Variants in UNC5D observed in about 807,000 individuals in gnomAD.
UNC5D encodes the protein unc-5 netrin receptor D.
In UNC5D, 39 loss-of-function variants were observed where a neutral mutation model predicts 105.4. The ratio of observed to expected loss-of-function variants is 0.37; its 90% CI spans 0.29 to 0.48. The LOEUF (loss-of-function observed/expected upper bound fraction) is 0.48. Among genes scored for constraint, UNC5D ranks in the 20% least tolerant of loss-of-function variants. The probability of loss-of-function intolerance (pLI) is 0.98; values close to 1 mark genes in which losing one functional copy is unlikely to be tolerated. For missense variants in UNC5D, 991 were observed against 1,202.4 expected (o/e 0.82, Z 2.60); for synonymous variants, 452 against 450.4 (o/e 1.00, Z -0.04).
At chr8:35,325,024 G>T (rs1423328544) in intron 1 of UNC5D, among the ~76,000 whole-genome samples, 1 of 152,120 alleles carries the variant, frequency 6.6e-6, no homozygotes, top group Non-Finnish European at 1.5e-5. Context: ...AAGCAACCTT[G>T]TAAAGACTGA....
intron 16 of UNC5D, among the ~76,000 whole-genome samples, chr8:35,775,527 C>T (rs980841918): frequency 6.6e-6 from 1 of 152,138 alleles, no homozygotes; most frequent in African/African-American, 2.4e-5. Flanking sequence ...CCTGTAAGCC[C>T]TCTGCATGCC....
chr8:35,249,338 A>G lies in UNC5D; in HGVS notation c.103+13451A>G, dbSNP rs576223905. Among the ~76,000 whole-genome samples, 5 of 149,388 alleles carry G rather than the reference A, an allele frequency of 3.3e-5. No individual in the cohort carries two copies. In the East Asian group the frequency reaches 5.9e-4, roughly 18 times the overall value. On this transcript the variant is annotated intron_variant, in intron 1 of 16. Transcript: ENST00000404895. ...TTTGGGAAGCCAAGGCAGATGGATC[A>G]CCTGAGGTCAAGAGTTCGAGATCAG...
At position 35,580,110 on chromosome 8, in the gene UNC5D, T is replaced by G. The variant is rs115094558; in HGVS notation, c.466+11869T>G. Among the ~76,000 whole-genome samples, 264 of 152,298 alleles carry G rather than the reference T, an allele frequency of 1.7e-3. 2 individuals are homozygous for G. The highest frequency in any genetic ancestry group is 5.9e-3 in the African/African-American group (246 of 41,578). On this transcript the variant is annotated intron_variant, in intron 3 of 16. Transcript: ENST00000404895. ...TCGCTAGGTTTCTGGCTCAAATTAT[T>G]CCATTAAGTAGGTTATGAATAGGGT... is the stretch of plus-strand genomic sequence containing the variant.
At chr8:35,406,191 CT>C (rs374767876) in intron 1 of UNC5D, among the ~76,000 whole-genome samples, 77 of 152,156 alleles carry the variant, frequency 5.1e-4, no homozygotes, top group African/African-American at 1.8e-3. Flanking sequence ...TTAAAAAGGC[CT>C]TTAAAAATAA....
intron 1 of UNC5D, among the ~76,000 whole-genome samples, chr8:35,271,713 T>TATACATG (rs1563268302): frequency 3.5e-5 from 3 of 85,392 alleles, no homozygotes; most frequent in African/African-American, 1.2e-4. Flanking sequence ...ACATATATAT[T>TATACATG]TATACATGTA....
chr8:35,427,509 G>A (rs1806333959), intron 1 of UNC5D, among the ~76,000 whole-genome samples: 1 of 152,156 alleles, frequency 6.6e-6, no homozygotes, highest in Admixed American at 6.5e-5. Flanking sequence ...CAAACATAGT[G>A]AGACAGCTTT....
chr8:35,643,229 A>C (rs1822859977), intron 4 of UNC5D, among the ~76,000 whole-genome samples: 1 of 152,204 alleles, frequency 6.6e-6, no homozygotes, highest in Admixed American at 6.5e-5. Flanking sequence ...TGTGACAGCC[A>C]AATATGTCTC....
intron 3 of UNC5D, among the ~76,000 whole-genome samples, chr8:35,578,202 G>A (rs1278582241): frequency 2.0e-4 from 28 of 142,264 alleles, no homozygotes; most frequent in Non-Finnish European, 3.6e-4. Context: ...TCCAGCCTGC[G>A]GGACAAGAGC....
chr8:35,606,576 C>T (rs1252111885), intron 4 of UNC5D, among the ~76,000 whole-genome samples: 1 of 152,120 alleles, frequency 6.6e-6, no homozygotes, highest in African/African-American at 2.4e-5. Flanking sequence ...TTCCTCCTCC[C>T]ACCCTCTCCC....
At chr8:35,253,104 CTG>C (rs150541415) in intron 1 of UNC5D, among the ~76,000 whole-genome samples, 49 of 149,056 alleles carry the variant, frequency 3.3e-4, no homozygotes, top group Admixed American at 1.4e-3. Flanking sequence ...GCAAGCTAGT[CTG>C]TGTGTGTGTG....
At chr8:35,267,949 G>A in intron 1 of UNC5D, among the ~76,000 whole-genome samples, 1 of 152,042 alleles carries the variant, frequency 6.6e-6, no homozygotes. Context: ...AACTACATCT[G>A]ATGTTTCTCA....
At chr8:35,685,957 T>C (rs563349727) in intron 6 of UNC5D, among the ~76,000 whole-genome samples, 20 of 152,346 alleles carry the variant, frequency 1.3e-4, no homozygotes, top group Admixed American at 2.6e-4. Flanking sequence ...GGTTGCTTTT[T>C]AGTGGAATTA....
chr8:35,502,000 T>C (rs1812000823), intron 1 of UNC5D, among the ~76,000 whole-genome samples: 1 of 152,236 alleles, frequency 6.6e-6, no homozygotes. Flanking sequence ...AAATAAAATA[T>C]GAATTTATAA....
At chr8:35,678,581 CAT>C (rs1442990233) in intron 4 of UNC5D, among the ~76,000 whole-genome samples, 5 of 152,262 alleles carry the variant, frequency 3.3e-5, no homozygotes, top group Middle Eastern at 3.4e-3. Flanking sequence ...GTTAAGCATA[CAT>C]ATGTTTATTA....
At chr8:35,764,066 C>G (rs1038605713) in intron 14 of UNC5D, among the ~76,000 whole-genome samples, 2 of 152,140 alleles carry the variant, frequency 1.3e-5, no homozygotes, top group Non-Finnish European at 2.9e-5. Flanking sequence ...TAAGCCCCAA[C>G]CCCCTCATTT....
intron 1 of UNC5D, among the ~76,000 whole-genome samples, chr8:35,526,296 G>A (rs902164561): frequency 6.6e-6 from 1 of 152,270 alleles, no homozygotes; most frequent in Admixed American, 6.5e-5. Context: ...CCTGGGGAGA[G>A]CAGCACACTC....
At chr8:35,592,191 T>G (rs1274141505) in intron 3 of UNC5D, among the ~76,000 whole-genome samples, 1 of 152,220 alleles carries the variant, frequency 6.6e-6, no homozygotes, top group African/African-American at 2.4e-5. Flanking sequence ...TAGTGGCGGT[T>G]TCTTGATCTC....
At chr8:35,473,134 A>G (rs1809854859) in intron 1 of UNC5D, among the ~76,000 whole-genome samples, 1 of 152,226 alleles carries the variant, frequency 6.6e-6, no homozygotes, top group South Asian at 2.1e-4. Flanking sequence ...AATGACCTCA[A>G]TTACAAGGGA....
chr8:35,309,500 T>C (rs754467354), intron 1 of UNC5D, among the ~76,000 whole-genome samples: 46 of 152,202 alleles, frequency 3.0e-4, no homozygotes, highest in Non-Finnish European at 4.7e-4. Flanking sequence ...TGTCTGGATG[T>C]CCTTGGTTAA....
Sources: allele counts gnomAD v4.1 joint callset (sites outside exome capture counted in the v4.1 genomes callset), GRCh38; gene constraint gnomAD v4.1.1; transcripts MANE v1.5; gene names NCBI Gene and HGNC (gene_info 2026-07-23, HGNC 2026-07-21).